The following CENPS variants were observed in gnomAD, a reference collection of about 807,000 sequenced individuals.
CENPS encodes FANCM associated histone fold protein 1.
In CENPS, 16 loss-of-function variants were observed where a neutral mutation model predicts 17.9. That is an observed-to-expected ratio of 0.90 (90% CI 0.61 to 1.36). CENPS has a LOEUF of 1.36. Among genes scored for constraint, CENPS ranks in the 40% most tolerant of loss-of-function variants. The probability of loss-of-function intolerance (pLI) is 0.00; values close to 1 mark genes in which losing one functional copy is unlikely to be tolerated. For missense variants in CENPS, 160 were observed against 158.6 expected (o/e 1.01, Z -0.05); for synonymous variants, 49 against 55.8 (o/e 0.88, Z 0.54).
chr1:10,434,792 C>T lies in CENPS; in HGVS notation c.209+102C>T, dbSNP rs142250631. 6,422 of 1,437,764 alleles carry T rather than the reference C, an allele frequency of 4.5e-3. 28 individuals carry two copies. Among genetic ancestry groups the T allele is most frequent in the Non-Finnish European group, 4.6e-3 (4,984 of 1,089,934 alleles). 89.1% of individuals were successfully genotyped at this position (1,437,764 alleles called of 1,614,324 possible). A position where few individuals can be genotyped will look rare whatever the true frequency, so the allele number is the denominator to read the frequency against. On this transcript the variant is annotated intron_variant, in intron 3 of 4. Coordinates refer to ENST00000309048, the MANE Select transcript of CENPS (RefSeq NM_199294.3). ...GGAGAGCTTTAGCTATTCAGTTTTC[C>T]GTGTGTTTTGTGGAGGCTTGTCTCT...
intron 3 of CENPS, chr1:10,439,998 T>A: frequency 3.7e-6 from 1 of 271,026 alleles, no homozygotes; most frequent in Non-Finnish European, 6.9e-6. Flanking sequence ...TGCACTAGAG[T>A]TGTACACTGA....
chr1:10,431,548 TAC>T, intron 1 of CENPS: 1 of 1,109,106 alleles, frequency 9.0e-7, no homozygotes, highest in Non-Finnish European at 1.3e-6. Context: ...AATTCTTTAG[TAC>T]ACATCTCCCA....
chr1:10,433,986 C>G (rs758570314), intron 2 of CENPS, 21 bp downstream of exon 2: 6 of 1,613,930 alleles, frequency 3.7e-6, no homozygotes, highest in Non-Finnish European at 4.2e-6. Flanking sequence ...TCGGCCTCCC[C>G]AGCCATGTCT....
At chr1:10,442,154 C>T in intron 4 of CENPS, 111 bp from the exon 5 acceptor site, 8 of 1,355,060 alleles carry the variant, frequency 5.9e-6, no homozygotes, top group Admixed American at 3.1e-5. Flanking sequence ...GCTTTTCTAC[C>T]CAAATTCTTT....
chr1:10,441,259 C>T (rs1338646767), intron 4 of CENPS, among the ~76,000 whole-genome samples: 1 of 147,630 alleles, frequency 6.8e-6, no homozygotes, highest in East Asian at 2.0e-4. Flanking sequence ...TGGGCTCAGG[C>T]AGTCCTCCCG....
In CENPS at chr1:10,431,378, C is replaced by T. The variant is rs1021072820; in HGVS notation, c.51+810C>T. 34 of 1,535,240 alleles carry T rather than the reference C, an allele frequency of 2.2e-5. No homozygotes were observed. The Admixed American group carries it at 2.7e-4, about 12-fold the overall frequency. ...CCCTTGTCTTTTGAGAAGTTCAAAC[C>T]TTCAGAAAAGTTGCAAGAACACGGT... On this transcript the variant is annotated intron_variant, in intron 1 of 4. Coordinates refer to ENST00000309048, the MANE Select transcript of CENPS (RefSeq NM_199294.3).
chr1:10,437,758 ATTTTTTTTTT>A (rs59257602), intron 3 of CENPS, among the ~76,000 whole-genome samples: 40 of 123,206 alleles, frequency 3.2e-4, no homozygotes, highest in Non-Finnish European at 2.7e-4. Context: ...TGCCTGGCCA[ATTTTTTTTTT>A]TTTTTTTTTT....
intron 3 of CENPS, chr1:10,440,112 T>G: frequency 1.8e-6 from 1 of 551,788 alleles, no homozygotes; most frequent in Non-Finnish European, 3.1e-6. Context: ...TCGGGTACCC[T>G]TGGCCCTAAG....
chr1:10,432,751 C>G (rs145815292), intron 1 of CENPS, among the ~76,000 whole-genome samples: 7 of 152,060 alleles, frequency 4.6e-5, no homozygotes, highest in Non-Finnish European at 1.5e-5. Context: ...GACCTTGAGC[C>G]GGGCAGGGTG....
intron 3 of CENPS, among the ~76,000 whole-genome samples, chr1:10,435,506 G>A (rs1349745579): frequency 6.6e-6 from 1 of 151,592 alleles, no homozygotes; most frequent in Non-Finnish European, 1.5e-5. Flanking sequence ...CCTGAAAACC[G>A]CTTAGCATCT....
chr1:10,441,837 G>A (rs1640427913), intron 4 of CENPS, among the ~76,000 whole-genome samples: 1 of 150,672 alleles, frequency 6.6e-6, no homozygotes, highest in African/African-American at 2.4e-5. Flanking sequence ...GTGTTAGCCA[G>A]GATGGTCTCG....
At chr1:10,440,936 A>G (rs1640379158) in intron 4 of CENPS, among the ~76,000 whole-genome samples, 1 of 152,208 alleles carries the variant, frequency 6.6e-6, no homozygotes. Flanking sequence ...GACAGCGGGG[A>G]GCTTTCCTGA....
At chr1:10,436,129 C>T (rs1239140193) in intron 3 of CENPS, among the ~76,000 whole-genome samples, 1 of 151,716 alleles carries the variant, frequency 6.6e-6, no homozygotes, top group Non-Finnish European at 1.5e-5. Flanking sequence ...AGGCATGTAC[C>T]ACCACATCTG....
rs538220635 is a variant in CENPS, at chr1:10,441,955, T to C, written c.277-310T>C. Among the ~76,000 whole-genome samples, 8 of 152,296 alleles carry C rather than the reference T, an allele frequency of 5.3e-5. No individual in the cohort carries two copies. In the East Asian group the frequency reaches 7.7e-4, roughly 15 times the overall value. ...CCACAACTCTTAATAACACAACTTA[T>C]TGGCTAGGTGTAGTGGCTCATGCCA... On this transcript the variant is annotated intron_variant, in intron 4 of 4. Transcript: ENST00000309048.
chr1:10,430,957 T>C (rs1639881201), intron 1 of CENPS: 4 of 1,256,354 alleles, frequency 3.2e-6, no homozygotes, highest in Non-Finnish European at 3.0e-6. Context: ...GGGCCGGAGC[T>C]CTGGAACGCT....
intron 1 of CENPS, among the ~76,000 whole-genome samples, chr1:10,432,438 C>T (rs1639962923): frequency 6.6e-6 from 1 of 152,194 alleles, no homozygotes; most frequent in Admixed American, 6.5e-5. Flanking sequence ...CAAATGCTTA[C>T]TGATGAAGCT....
chr1:10,431,143 G>T (rs1417260902), intron 1 of CENPS: 4 of 1,437,500 alleles, frequency 2.8e-6, no homozygotes, highest in Non-Finnish European at 3.6e-6. Context: ...ATAATCACTT[G>T]TCAGGGTAGC....
intron 3 of CENPS, among the ~76,000 whole-genome samples, chr1:10,436,544 C>CA (rs61088068): frequency 3.8e-4 from 55 of 144,248 alleles, no homozygotes; most frequent in Admixed American, 1.3e-3. Flanking sequence ...TCCTAAAATA[C>CA]AAAAAAAAAA....
intron 1 of CENPS, among the ~76,000 whole-genome samples, chr1:10,432,286 T>G (rs1303798825): frequency 6.6e-6 from 1 of 152,134 alleles, no homozygotes; most frequent in Non-Finnish European, 1.5e-5. Context: ...AGTTTCACCA[T>G]GTTGGCCAGG....
Sources: gnomAD v4.1 joint callset for allele counts (sites outside exome capture counted in the v4.1 genomes callset) on GRCh38, gnomAD v4.1.1 for gene constraint, MANE v1.5 for transcripts, NCBI Gene and HGNC (gene_info 2026-07-23, HGNC 2026-07-21) for gene names.